Variants in THADA observed in about 807,000 individuals in gnomAD.
The protein encoded by THADA is THADA armadillo repeat containing, also known as tRNA (32-2'-O)-methyltransferase regulator THADA.
Under a neutral mutation model 219.8 loss-of-function variants are expected in THADA, and 213 were observed. The ratio of observed to expected loss-of-function variants is 0.97; its 90% CI spans 0.87 to 1.09. The LOEUF is 1.09. Ranked by LOEUF, THADA falls within the 50% of genes least tolerant of loss-of-function variation. The probability of loss-of-function intolerance (pLI) is 0.00; values close to 1 mark genes in which losing one functional copy is unlikely to be tolerated. For missense variants in THADA, 2,956 were observed against 2,311.3 expected (o/e 1.28, Z -5.72); for synonymous variants, 1,018 against 828.9 (o/e 1.23, Z -3.92).
intron 22 of THADA, among the ~76,000 whole-genome samples, chr2:43,510,270 T>C (rs1359594457): frequency 6.6e-6 from 1 of 152,174 alleles, no homozygotes; most frequent in African/African-American, 2.4e-5. Flanking sequence ...AAGGGATAGA[T>C]GAAGCAGTTG....
At chr2:43,370,926 T>A (rs1328443984) in intron 29 of THADA, among the ~76,000 whole-genome samples, 2 of 152,210 alleles carry the variant, frequency 1.3e-5, no homozygotes, top group Non-Finnish European at 1.5e-5. Flanking sequence ...TCCAGTAATC[T>A]TCACTGTGCT....
chr2:43,526,617 G>T (rs1693201306), intron 22 of THADA, among the ~76,000 whole-genome samples: 7 of 152,000 alleles, frequency 4.6e-5, no homozygotes, highest in Admixed American at 4.6e-4. Context: ...AAGTGTGTCG[G>T]TCTTACTTCC....
At position 43,292,983 on chromosome 2, in the gene THADA, G is replaced by A. The variant is rs765208529; in HGVS notation, c.4669C>T (p.Arg1557Cys). The A allele has an allele frequency of 4.3e-5, 69 of 1,613,936 alleles. No individual in the cohort carries two copies. In the East Asian group the frequency reaches 8.2e-4, roughly 19 times the overall value. Residue 1557 changes from arginine (R) to cysteine (C), a missense_variant, in exon 32 of 38, where the codon CGC (arginine) becomes TGC (cysteine). By Grantham distance (180) the Arg-to-Cys change is radical. Transcript: ENST00000405975. Reference protein sequence around the residue: ...QLLESAFPEVRSLTLEALLEK... With the variant: ...QLLESAFPEVCSLTLEALLEK... ...AAGAGGGCTTCCAGTGTTAGTGAGC[G>A]CACTTCAGGGAAGGCAGATTCTAAC...
At chr2:43,455,303 G>A (rs1466644959) in intron 26 of THADA, among the ~76,000 whole-genome samples, 3 of 152,160 alleles carry the variant, frequency 2.0e-5, no homozygotes, top group African/African-American at 7.2e-5. Context: ...TCACCTCCCT[G>A]AGAGTGTAAC....
chr2:43,265,980 CACACACACACAG>C (rs1462665747), intron 36 of THADA, among the ~76,000 whole-genome samples: 94 of 122,428 alleles, frequency 7.7e-4, no homozygotes, highest in African/African-American at 2.6e-3. Flanking sequence ...CACACACACA[CACACACACACAG>C]ACTCTTGAGG....
At chr2:43,541,085 G>T in intron 21 of THADA, 74 bp downstream of exon 21, 1 of 1,376,180 alleles carries the variant, frequency 7.3e-7, no homozygotes, top group Non-Finnish European at 9.5e-7. Context: ...TTTTTTTAGA[G>T]TTGGGTTATA....
At chr2:43,586,773 G>A (rs367762935) in intron 5 of THADA, 39 bp from the exon 6 acceptor site, 35 of 1,610,104 alleles carry the variant, frequency 2.2e-5, no homozygotes, top group African/African-American at 5.4e-5. Flanking sequence ...GGAGTTTCAC[G>A]ACCAAAATCA....
chr2:43,355,203 G>A (rs184997848), intron 29 of THADA, among the ~76,000 whole-genome samples: 7 of 152,122 alleles, frequency 4.6e-5, no homozygotes, highest in Admixed American at 4.6e-4. Context: ...ACAAGAGAGT[G>A]CAAATATCTC....
chr2:43,571,055 A>G (rs1414595315), intron 13 of THADA, among the ~76,000 whole-genome samples: 1 of 152,188 alleles, frequency 6.6e-6, no homozygotes, highest in Non-Finnish European at 1.5e-5. Context: ...CAGGAGTTTA[A>G]GACCAGCCTG....
At chr2:43,297,753 G>A (rs1411556915) in intron 31 of THADA, among the ~76,000 whole-genome samples, 12 of 112,858 alleles carry the variant, frequency 1.1e-4, no homozygotes, top group East Asian at 8.3e-4. Context: ...CCGGCCAGCC[G>A]CCCCGTCCGG....
intron 26 of THADA, among the ~76,000 whole-genome samples, chr2:43,461,966 G>A (rs1683693136): frequency 6.6e-6 from 1 of 152,164 alleles, no homozygotes; most frequent in Non-Finnish European, 1.5e-5. Context: ...ACCCCCAAAA[G>A]GTGCCCAGAG....
At chr2:43,556,154 C>T (rs1401796714) in intron 17 of THADA, 191 bp downstream of exon 17, 2 of 1,211,838 alleles carry the variant, frequency 1.7e-6, no homozygotes, top group East Asian at 2.8e-5. Context: ...AACATAAATC[C>T]ACTGTTTAGA....
Position 43,570,440 on chromosome 2 carries a change from G to T in THADA, c.2135C>A (p.Pro712Gln). The change falls in exon 14 of 38, where the codon CCA becomes CAA. Residue 712 changes from proline (P) to glutamine (Q), a missense_variant. Physicochemically the swap from Pro to Gln is moderately conservative, Grantham distance 76. Coordinates refer to ENST00000405975, the MANE Select transcript of THADA (RefSeq NM_022065.5). ...KLEQSKSKREPENELTKQHPS... is the reference protein window; with the variant it reads ...KLEQSKSKREQENELTKQHPS... ...GTGCTGTTTGGTTAACTCATTCTCT[G>T]GTTCACGTTTGGATTTACTCTGCTC... The T allele has an allele frequency of 6.2e-7, 1 of 1,613,464 alleles. No homozygotes were observed. The highest frequency in any genetic ancestry group is 8.5e-7 in the Non-Finnish European group (1 of 1,179,644).
At position 43,440,130 on chromosome 2, in the gene THADA, T is replaced by C. The variant is rs146504995; in HGVS notation, c.3837-9828A>G. 4.2e-4 allele frequency among the ~76,000 whole-genome samples: 64 copies of C among 152,338 alleles called. 1 individual carries two copies. The East Asian group carries it at 0.012, about 29-fold the overall frequency. The stretch of plus-strand genomic sequence containing the variant: ...TGTAATAGCATTTCAGCTTTCCTAT[T>C]TTAAAAAATTCAGTGCATACAGGTA... On this transcript the variant is annotated intron_variant, in intron 26 of 37. Coordinates refer to ENST00000405975, the MANE Select transcript of THADA (RefSeq NM_022065.5).
chr2:43,515,095 TTA>T (rs1397437409), intron 22 of THADA, among the ~76,000 whole-genome samples: 1 of 33,998 alleles, frequency 2.9e-5, no homozygotes, highest in African/African-American at 1.2e-4. Context: ...AATATATATA[TTA>T]TATATAATAT....
At chr2:43,241,597 A>T (rs1221105110) in intron 36 of THADA, among the ~76,000 whole-genome samples, 1 of 150,534 alleles carries the variant, frequency 6.6e-6, no homozygotes, top group Non-Finnish European at 1.5e-5. Flanking sequence ...GATTTAAAAA[A>T]AAATCAGGGC....
At chr2:43,297,445 G>A (rs1245696649) in intron 31 of THADA, among the ~76,000 whole-genome samples, 3 of 95,202 alleles carry the variant, frequency 3.2e-5, no homozygotes, top group Admixed American at 1.7e-4. Flanking sequence ...CCGGGAGGGA[G>A]GTGGGGGGGG....
intron 31 of THADA, among the ~76,000 whole-genome samples, chr2:43,311,262 C>A (rs57891421): frequency 0.027 from 4,129 of 152,064 alleles, 187 homozygotes; most frequent in African/African-American, 0.093. Context: ...GACCAACTAG[C>A]ACTAGAAAAG....
intron 22 of THADA, among the ~76,000 whole-genome samples, chr2:43,512,589 G>A (rs1015404331): frequency 2.6e-5 from 4 of 152,128 alleles, no homozygotes; most frequent in Non-Finnish European, 5.9e-5. Flanking sequence ...TGCAACCTCC[G>A]CCTCCCAGAT....
Sources: gnomAD v4.1 joint callset for allele counts (sites outside exome capture counted in the v4.1 genomes callset) on GRCh38, gnomAD v4.1.1 for gene constraint, MANE v1.5 for transcripts, NCBI Gene and HGNC (gene_info 2026-07-23, HGNC 2026-07-21) for gene names.